Variants in PRKAR1A observed in about 807,000 individuals in gnomAD.
PRKAR1A encodes the protein cAMP-dependent protein kinase type I-alpha regulatory subunit.
Under a neutral mutation model 52.0 loss-of-function variants are expected in PRKAR1A, and 3 were observed. The observed-to-expected ratio is 0.06, with a 90% confidence interval of 0.03 to 0.15. PRKAR1A has a LOEUF of 0.15. PRKAR1A is among the 10% of genes least tolerant of loss of function. The pLI is 1.00. For synonymous variants in PRKAR1A, 188 were observed against 168.4 expected (o/e 1.12, Z -0.90); for missense variants, 240 against 477.4 (o/e 0.50, Z 4.63).
At chr17:68,460,193 T>C in the PRKAR1A span, among the ~76,000 whole-genome samples, 1 of 152,202 alleles carries the variant, frequency 6.6e-6, no homozygotes, top group African/African-American at 2.4e-5. Flanking sequence ...ATATCTCAGT[T>C]CACATGAGCC....
chr17:68,486,451 CTCTTTCTT>C, the PRKAR1A span, among the ~76,000 whole-genome samples: 2 of 120,236 alleles, frequency 1.7e-5, no homozygotes, highest in Non-Finnish European at 3.4e-5. Context: ...CCTTCCTTCC[CTCTTTCTT>C]TCTTTCTTTC....
Position 68,532,001 on chromosome 17 carries a change from G to A in PRKAR1A, c.*1552G>A. On this transcript the variant is annotated 3_prime_UTR_variant, in exon 11 of 11. Coordinates refer to ENST00000589228, the MANE Select transcript of PRKAR1A (RefSeq NM_002734.5). The stretch of plus-strand genomic sequence containing the variant: ...TGCCCTTTCCCAGGTAATTTAAATT[G>A]GTCATGGTAGATTTTTTTCATAGAT... 9.4e-7 allele frequency: 1 copy of A among 1,065,436 alleles called. No individual in the cohort carries two copies. The highest frequency in any genetic ancestry group is 1.1e-6 in the Non-Finnish European group (1 of 879,164). The allele number at this position is 1,065,436 out of a possible 1,614,324, so 66.0% of individuals were successfully genotyped here.
At chr17:68,486,875 C>T in the PRKAR1A span, among the ~76,000 whole-genome samples, 18 of 131,310 alleles carry the variant, frequency 1.4e-4, no homozygotes, top group African/African-American at 2.7e-4. Flanking sequence ...CGATGTTGTG[C>T]GGATTTTTTT....
the PRKAR1A span, among the ~76,000 whole-genome samples, chr17:68,437,987 A>G: frequency 6.8e-6 from 1 of 146,456 alleles, no homozygotes; most frequent in Non-Finnish European, 1.5e-5. Context: ...ACTGGCGTCT[A>G]TTACAAGTTA....
chr17:68,507,196 C>A (rs146755453), upstream of PRKAR1A, among the ~76,000 whole-genome samples: 282 of 152,338 alleles, frequency 1.9e-3, 1 homozygote, highest in African/African-American at 6.3e-3. Flanking sequence ...AACGATCATA[C>A]CATCCATGAC....
the PRKAR1A span, among the ~76,000 whole-genome samples, chr17:68,476,902 C>T: frequency 1.2e-4 from 18 of 152,076 alleles, no homozygotes; most frequent in Non-Finnish European, 2.1e-4. Context: ...TCTTGTGATC[C>T]GCTCACCTCG....
At chr17:68,511,856 C>G (rs971899115), upstream of PRKAR1A, 1 of 152,060 alleles carries the variant, frequency 6.6e-6, no homozygotes, top group African/African-American at 2.4e-5. Flanking sequence ...GCCACCTCCT[C>G]CGGGGGCTGG....
the PRKAR1A span, among the ~76,000 whole-genome samples, chr17:68,490,932 C>T: frequency 6.6e-6 from 1 of 152,114 alleles, no homozygotes; most frequent in Non-Finnish European, 1.5e-5. Context: ...TACCTCTAAC[C>T]TTGCCTTCAT....
the PRKAR1A span, among the ~76,000 whole-genome samples, chr17:68,426,360 C>T: frequency 3.9e-5 from 6 of 152,090 alleles, no homozygotes; most frequent in East Asian, 1.9e-4. Flanking sequence ...TTAAGCCTGA[C>T]CTGCCTTTCC....
At chr17:68,498,856 A>G in the PRKAR1A span, among the ~76,000 whole-genome samples, 3 of 152,326 alleles carry the variant, frequency 2.0e-5, no homozygotes, top group African/African-American at 7.2e-5. Flanking sequence ...CAGGCCAATC[A>G]GATCCCTCTC....
chr17:68,457,233 C>T, the PRKAR1A span: 1 of 1,351,346 alleles, frequency 7.4e-7, no homozygotes, highest in Non-Finnish European at 1.0e-6. Flanking sequence ...ACCGGCCCTC[C>T]CGCCGAGGCC....
At chr17:68,499,810 A>C in the PRKAR1A span, among the ~76,000 whole-genome samples, 2 of 152,220 alleles carry the variant, frequency 1.3e-5, no homozygotes, top group African/African-American at 4.8e-5. Context: ...CACCCCAGCC[A>C]GTGGTGTAGG....
chr17:68,444,629 T>G, the PRKAR1A span: 1 of 1,552,808 alleles, frequency 6.4e-7, no homozygotes, highest in South Asian at 1.2e-5. Context: ...GAACCGTTCC[T>G]TACAAAGACC....
chr17:68,456,267 A>T, the PRKAR1A span, among the ~76,000 whole-genome samples: 1 of 152,342 alleles, frequency 6.6e-6, no homozygotes, highest in Admixed American at 6.5e-5. Context: ...GGGTGTTTTT[A>T]AACAGAAACA....
chr17:68,486,511 T>TCCTTCCC, the PRKAR1A span, among the ~76,000 whole-genome samples: 541 of 42,264 alleles, frequency 0.013, 6 homozygotes, highest in Non-Finnish European at 0.019. Context: ...CCTTCCTTCT[T>TCCTTCCC]TCTTTCTTTC....
intron 11 of PRKAR1A, among the ~76,000 whole-genome samples, chr17:68,546,195 A>AG (rs201293190): frequency 7.2e-6 from 1 of 139,468 alleles, no homozygotes; most frequent in African/African-American, 2.8e-5. Flanking sequence ...AAAAAAAAAA[A>AG]GCAGCAACTC....
At chr17:68,513,037 A>T (rs2085314596) in intron 1 of PRKAR1A, 1 of 152,142 alleles carries the variant, frequency 6.6e-6, no homozygotes, top group Non-Finnish European at 1.5e-5. Context: ...TTTCCTCTTC[A>T]TAGCGGAGTG....
At chr17:68,528,716 A>T in intron 8 of PRKAR1A, 154 bp from the exon 9 acceptor site, 3 of 959,404 alleles carry the variant, frequency 3.1e-6, no homozygotes, top group Non-Finnish European at 4.9e-6. Flanking sequence ...TGCTCAGACT[A>T]GAGGTAATTG....
At chr17:68,418,613 C>G in the PRKAR1A span, among the ~76,000 whole-genome samples, 1 of 152,332 alleles carries the variant, frequency 6.6e-6, no homozygotes, top group South Asian at 2.1e-4. Flanking sequence ...GGTGGTATGG[C>G]TTTGCCCCTA....
Sources: gnomAD v4.1 joint callset for allele counts (sites outside exome capture counted in the v4.1 genomes callset) on GRCh38, gnomAD v4.1.1 for gene constraint, MANE v1.5 for transcripts, NCBI Gene and HGNC (gene_info 2026-07-23, HGNC 2026-07-21) for gene names.